MTUS2: variants seen among roughly 807,000 people sequenced by gnomAD.
MTUS2 encodes the protein microtubule associated scaffold protein 2.
In MTUS2, 40 loss-of-function variants were observed where a neutral mutation model predicts 114.1. The observed-to-expected ratio is 0.35, with a 90% CI of 0.27 to 0.46. The LOEUF (loss-of-function observed/expected upper bound fraction) is 0.46. Among genes scored for constraint, MTUS2 ranks in the 20% least tolerant of loss-of-function variants. The pLI, the probability that MTUS2 is intolerant of heterozygous loss-of-function variation, is 1.00. For missense variants in MTUS2, 1,679 were observed against 1,705.4 expected (o/e 0.98, Z 0.27); for synonymous variants, 688 against 672.0 (o/e 1.02, Z -0.37).
At chr13:29,171,074 C>T (rs974522750) in intron 5 of MTUS2, among the ~76,000 whole-genome samples, 2 of 152,046 alleles carry the variant, frequency 1.3e-5, no homozygotes, top group African/African-American at 4.8e-5. Flanking sequence ...CATATTCTTA[C>T]AAAGATAACC....
intron 2 of MTUS2, among the ~76,000 whole-genome samples, chr13:28,982,383 T>C (rs1402788520): frequency 1.3e-5 from 2 of 151,282 alleles, no homozygotes; most frequent in Non-Finnish European, 2.9e-5. Context: ...TTGATGAGAA[T>C]GTGGAGAAAT....
chr13:29,118,744 G>A (rs532082762), intron 5 of MTUS2, among the ~76,000 whole-genome samples: 45 of 152,298 alleles, frequency 3.0e-4, no homozygotes, highest in African/African-American at 1.0e-3. Flanking sequence ...CTCAAGAGAG[G>A]CAGCAAGCTG....
At chr13:29,195,317 A>C (rs1894640984) in intron 5 of MTUS2, among the ~76,000 whole-genome samples, 1 of 151,970 alleles carries the variant, frequency 6.6e-6, no homozygotes, top group Non-Finnish European at 1.5e-5. Flanking sequence ...AAAGGTTATC[A>C]AGAAGAAAAT....
At chr13:29,034,721 A>G (rs1014383806) in intron 4 of MTUS2, among the ~76,000 whole-genome samples, 3 of 152,206 alleles carry the variant, frequency 2.0e-5, no homozygotes, top group African/African-American at 7.2e-5. Context: ...CATGGGATTT[A>G]TGGGACTGGA....
intron 4 of MTUS2, among the ~76,000 whole-genome samples, chr13:29,095,262 A>G (rs1353344190): frequency 1.3e-5 from 2 of 152,080 alleles, no homozygotes; most frequent in African/African-American, 2.4e-5. Flanking sequence ...GTCTCGAACT[A>G]TTATTTTGAA....
intron 7 of MTUS2, among the ~76,000 whole-genome samples, chr13:29,328,153 A>C (rs1427411824): frequency 6.6e-6 from 1 of 151,756 alleles, no homozygotes; most frequent in Non-Finnish European, 1.5e-5. Flanking sequence ...AATTACTATA[A>C]ATTTTATTAA....
At chr13:29,037,108 T>C (rs546028866) in intron 4 of MTUS2, among the ~76,000 whole-genome samples, 1 of 152,360 alleles carries the variant, frequency 6.6e-6, no homozygotes, top group East Asian at 1.9e-4. Context: ...ATAGTGTTGA[T>C]GGTAATTACA....
At chr13:29,297,275 G>A (rs1185181031) in intron 6 of MTUS2, among the ~76,000 whole-genome samples, 1 of 152,098 alleles carries the variant, frequency 6.6e-6, no homozygotes, top group Non-Finnish European at 1.5e-5. Flanking sequence ...GGATGCATAA[G>A]TATTTTAGAT....
chr13:29,156,490 T>C (rs1420516896), intron 5 of MTUS2, among the ~76,000 whole-genome samples: 1 of 152,096 alleles, frequency 6.6e-6, no homozygotes, highest in Non-Finnish European at 1.5e-5. Context: ...CAAAGATGTC[T>C]GGAAAGATGT....
intron 4 of MTUS2, among the ~76,000 whole-genome samples, chr13:29,088,195 C>T (rs1442287800): frequency 6.6e-6 from 1 of 151,936 alleles, no homozygotes; most frequent in Non-Finnish European, 1.5e-5. Flanking sequence ...TCATTAGTTT[C>T]AAAGACTTTT....
At chr13:29,422,576 C>T (rs200425325) in intron 8 of MTUS2, among the ~76,000 whole-genome samples, 20 of 151,786 alleles carry the variant, frequency 1.3e-4, no homozygotes, top group South Asian at 6.3e-4. Flanking sequence ...TAAAAATCAC[C>T]GCAAACTTTT....
At chr13:28,957,566 G>A (rs1235901715) in intron 2 of MTUS2, among the ~76,000 whole-genome samples, 1 of 152,034 alleles carries the variant, frequency 6.6e-6, no homozygotes, top group African/African-American at 2.4e-5. Context: ...ACATTGTGTT[G>A]GGTATTACTA....
chr13:29,293,761 GAGAT>G lies in MTUS2; in HGVS notation c.2806+11901_2806+11904del, dbSNP rs1355277467. 5.9e-5 allele frequency among the ~76,000 whole-genome samples: 9 copies of G among 152,134 alleles called. No individual in the cohort carries two copies. In the East Asian group the frequency reaches 1.4e-3, roughly 23 times the overall value. Reference sequence around the variant, plus strand: ...AATGCTTATGTAGTTATTAAAAAATGAGATAGATCTACATGAATTACATGGAAAG... The same window carrying G: ...AATGCTTATGTAGTTATTAAAAAATGAGATCTACATGAATTACATGGAAAG... On this transcript the variant is annotated intron_variant, in intron 6 of 15. Transcript: ENST00000612955.
chr13:29,426,476 C>A (rs920042663), intron 8 of MTUS2, among the ~76,000 whole-genome samples: 1 of 152,204 alleles, frequency 6.6e-6, no homozygotes, highest in Non-Finnish European at 1.5e-5. Context: ...TAGTGCGAAT[C>A]CAGAATTTTT....
intron 9 of MTUS2, among the ~76,000 whole-genome samples, chr13:29,458,149 GC>G (rs921653525): frequency 1.3e-5 from 2 of 152,044 alleles, no homozygotes; most frequent in African/African-American, 4.8e-5. Flanking sequence ...TTATTGAATG[GC>G]ACCTGCTGCC....
At chr13:29,361,903 A>G (rs2138242601) in intron 8 of MTUS2, among the ~76,000 whole-genome samples, 1 of 152,336 alleles carries the variant, frequency 6.6e-6, no homozygotes, top group South Asian at 2.1e-4. Flanking sequence ...TCTGCACAGC[A>G]TGCTCTGGTG....
At chr13:29,037,201 G>A (rs1453825033) in intron 4 of MTUS2, among the ~76,000 whole-genome samples, 1 of 152,160 alleles carries the variant, frequency 6.6e-6, no homozygotes, top group African/African-American at 2.4e-5. Context: ...TGTAAGGCAG[G>A]CCTGGTGGTG....
At chr13:29,113,682 A>T (rs537062970) in intron 5 of MTUS2, among the ~76,000 whole-genome samples, 1 of 151,620 alleles carries the variant, frequency 6.6e-6, no homozygotes, top group Admixed American at 6.6e-5. Context: ...TTTTTTTTTT[A>T]AAGATATAAC....
chr13:29,056,426 A>G (rs1888136505), intron 4 of MTUS2, among the ~76,000 whole-genome samples: 1 of 151,866 alleles, frequency 6.6e-6, no homozygotes, highest in South Asian at 2.1e-4. Flanking sequence ...ACCAATTCTT[A>G]TTTATACATT....
Sources: allele counts gnomAD v4.1 joint callset (sites outside exome capture counted in the v4.1 genomes callset), GRCh38; gene constraint gnomAD v4.1.1; transcripts MANE v1.5; gene names NCBI Gene and HGNC (gene_info 2026-07-23, HGNC 2026-07-21).